The following FHIT variants were observed in gnomAD, a reference collection of about 807,000 sequenced individuals.
The protein encoded by FHIT is fragile histidine triad diadenosine triphosphatase.
Under a neutral mutation model 17.9 loss-of-function variants are expected in FHIT, and 19 were observed. That is an observed-to-expected ratio of 1.06 (90% CI 0.74 to 1.56). FHIT has a LOEUF of 1.56. Ranked by LOEUF, FHIT falls within the 40% of genes most tolerant of loss-of-function variation. The pLI is 0.00. For synonymous variants in FHIT, 81 were observed against 69.7 expected (o/e 1.16, Z -0.81); for missense variants, 248 against 189.2 (o/e 1.31, Z -1.82).
intron 4 of FHIT, among the ~76,000 whole-genome samples, chr3:60,579,823 G>C (rs1052739168): frequency 2.6e-5 from 4 of 152,028 alleles, no homozygotes; most frequent in East Asian, 1.9e-4. Context: ...TTAATGTCTC[G>C]AGGTTTCTAG....
intron 4 of FHIT, among the ~76,000 whole-genome samples, chr3:60,595,230 G>A (rs2038225087): frequency 6.6e-6 from 1 of 152,092 alleles, no homozygotes; most frequent in Admixed American, 6.6e-5. Flanking sequence ...GGAGCCAATA[G>A]CAACCAATTC....
intron 8 of FHIT, among the ~76,000 whole-genome samples, chr3:59,846,556 A>G (rs1244224337): frequency 1.3e-5 from 2 of 152,212 alleles, no homozygotes; most frequent in Admixed American, 1.3e-4. Flanking sequence ...AGACCAATAT[A>G]TTTTAAAAAT....
chr3:60,522,202 C>G (rs970931731), intron 5 of FHIT, among the ~76,000 whole-genome samples: 27 of 151,792 alleles, frequency 1.8e-4, no homozygotes, highest in African/African-American at 6.5e-4. Context: ...TTCTGCCCCC[C>G]TGAGTTCAAG....
chr3:60,955,633 T>TATATATATATATATATATATATAC (rs1272864632), intron 3 of FHIT, among the ~76,000 whole-genome samples: 2 of 39,538 alleles, frequency 5.1e-5, no homozygotes, highest in African/African-American at 8.0e-5. Flanking sequence ...TATATATATA[T>TATATATATATATATATATATATAC]ACACACACAC....
At position 60,301,858 on chromosome 3, in the gene FHIT, A is replaced by C. The variant is rs553477482; in HGVS notation, c.103+235002T>G. Among the ~76,000 whole-genome samples, 11 of 152,266 alleles carry C rather than the reference A, an allele frequency of 7.2e-5. No individual in the cohort carries two copies. In the South Asian group the frequency reaches 2.3e-3, roughly 32 times the overall value. On this transcript the variant is annotated intron_variant, in intron 5 of 9. Transcript: ENST00000492590. Reference sequence around the variant, plus strand: ...TGTAAGGACTGAAGTTCAAACAATAAAAATGCACTCATACATTTCCTCAGA... The same window carrying C: ...TGTAAGGACTGAAGTTCAAACAATACAAATGCACTCATACATTTCCTCAGA...
At chr3:60,839,333 C>T (rs1163704237) in intron 3 of FHIT, among the ~76,000 whole-genome samples, 6 of 151,970 alleles carry the variant, frequency 3.9e-5, no homozygotes, top group African/African-American at 1.4e-4. Context: ...AAGACTCAGC[C>T]GATTCCCTGC....
intron 2 of FHIT, among the ~76,000 whole-genome samples, chr3:61,047,783 G>C (rs1331803746): frequency 2.0e-5 from 3 of 151,666 alleles, no homozygotes; most frequent in Non-Finnish European, 2.9e-5. Flanking sequence ...CAGAGATATA[G>C]ACCAATGGAA....
intron 5 of FHIT, among the ~76,000 whole-genome samples, chr3:60,218,832 G>T (rs1439765182): frequency 6.6e-6 from 1 of 151,970 alleles, no homozygotes; most frequent in Non-Finnish European, 1.5e-5. Context: ...TGAATCCAGG[G>T]TCTGAGCTCT....
At chr3:60,611,918 A>T (rs1320325387) in intron 4 of FHIT, among the ~76,000 whole-genome samples, 1 of 152,160 alleles carries the variant, frequency 6.6e-6, no homozygotes, top group African/African-American at 2.4e-5. Flanking sequence ...TGTTCTAGGC[A>T]GTCATGTAGG....
chr3:60,300,860 G>A (rs1349000807), intron 5 of FHIT, among the ~76,000 whole-genome samples: 2 of 151,992 alleles, frequency 1.3e-5, no homozygotes, highest in African/African-American at 2.4e-5. Flanking sequence ...TCTCCTTCCA[G>A]ATAGCTCTCA....
At chr3:60,086,415 G>C (rs1184563019) in intron 5 of FHIT, among the ~76,000 whole-genome samples, 1 of 152,124 alleles carries the variant, frequency 6.6e-6, no homozygotes, top group Admixed American at 6.5e-5. Flanking sequence ...AAATACAATT[G>C]TTTCATCTCA....
At chr3:60,704,871 T>C (rs2041334723) in intron 4 of FHIT, among the ~76,000 whole-genome samples, 1 of 122,542 alleles carries the variant, frequency 8.2e-6, no homozygotes, top group Non-Finnish European at 1.6e-5. Context: ...AGAGATATCT[T>C]GAGAGGCTGA....
chr3:61,115,890 C>T (rs2036286231), intron 2 of FHIT, among the ~76,000 whole-genome samples: 1 of 152,110 alleles, frequency 6.6e-6, no homozygotes, highest in Non-Finnish European at 1.5e-5. Context: ...TTCCACAAGC[C>T]AGGACTGAGA....
At chr3:60,864,329 G>A (rs1256314354) in intron 3 of FHIT, among the ~76,000 whole-genome samples, 1 of 152,140 alleles carries the variant, frequency 6.6e-6, no homozygotes, top group Non-Finnish European at 1.5e-5. Context: ...ACAGGCAGGT[G>A]AAGAAACCAG....
intron 2 of FHIT, among the ~76,000 whole-genome samples, chr3:61,062,641 G>A (rs1361384931): frequency 6.6e-6 from 1 of 152,170 alleles, no homozygotes; most frequent in Non-Finnish European, 1.5e-5. Flanking sequence ...AATATCCACT[G>A]CTTTTGGACA....
chr3:61,101,395 C>T (rs2035821791), intron 2 of FHIT, among the ~76,000 whole-genome samples: 1 of 152,110 alleles, frequency 6.6e-6, no homozygotes, highest in Non-Finnish European at 1.5e-5. Flanking sequence ...ATTTCTGGGG[C>T]TCTGTTCTAT....
At chr3:61,234,035 A>C (rs1178796572) in intron 1 of FHIT, among the ~76,000 whole-genome samples, 1 of 152,232 alleles carries the variant, frequency 6.6e-6, no homozygotes, top group Non-Finnish European at 1.5e-5. Context: ...TACATGACAC[A>C]TTAAGGCCAG....
At position 61,158,734 on chromosome 3, in the gene FHIT, A is replaced by T. The variant is rs551385528; in HGVS notation, c.-164+41883T>A. On this transcript the variant is annotated intron_variant, in intron 2 of 9. Transcript: ENST00000492590. The stretch of plus-strand genomic sequence containing the variant: ...GGTCCAAGTTCACTACAGCAATAGG[A>T]TCTACAAGAACCCAAAGAATGAATG... Among the ~76,000 whole-genome samples the T allele has an allele frequency of 4.4e-4, 67 of 152,326 alleles. No homozygotes were observed. The Middle Eastern group carries it at 0.01, about 23-fold the overall frequency.
intron 5 of FHIT, among the ~76,000 whole-genome samples, chr3:60,102,088 G>C (rs576284445): frequency 7.2e-5 from 11 of 152,318 alleles, no homozygotes; most frequent in African/African-American, 2.2e-4. Context: ...AGTCCCAGAA[G>C]TACAGAAATC....
Sources: allele counts gnomAD v4.1 joint callset (sites outside exome capture counted in the v4.1 genomes callset), GRCh38; gene constraint gnomAD v4.1.1; transcripts MANE v1.5; gene names NCBI Gene and HGNC (gene_info 2026-07-23, HGNC 2026-07-21).